HOMER2: variants seen among roughly 807,000 people sequenced by gnomAD.
HOMER2 encodes homer scaffold protein 2.
HOMER2 carries 27 observed loss-of-function variants against 47.0 expected under a neutral mutation model. The ratio of observed to expected loss-of-function variants is 0.57; its 90% CI spans 0.42 to 0.79. The LOEUF (loss-of-function observed/expected upper bound fraction) is 0.79. Ranked by LOEUF, HOMER2 falls within the 30% of genes least tolerant of loss-of-function variation. HOMER2 has a pLI of 0.00. For synonymous variants in HOMER2, 161 were observed against 163.8 expected, an observed-to-expected ratio of 0.98 and a Z score of 0.13; for missense variants, 443 against 435.0, an observed-to-expected ratio of 1.02 and a Z score of -0.16.
chr15:82,942,139 C>T (rs544943154), intron 1 of HOMER2, among the ~76,000 whole-genome samples: 4 of 152,272 alleles, frequency 2.6e-5, no homozygotes, highest in South Asian at 2.1e-4. Context: ...TCTCTAACTT[C>T]GTACAGAGTT....
At chr15:82,974,828 G>A (rs534299533) in intron 1 of HOMER2, among the ~76,000 whole-genome samples, 15 of 152,318 alleles carry the variant, frequency 9.8e-5, no homozygotes, top group African/African-American at 2.9e-4. Flanking sequence ...CCAGCACTTC[G>A]GGAGGCCGAG....
chr15:82,985,681 G>A (rs552744325), intron 1 of HOMER2: 12 of 152,346 alleles, frequency 7.9e-5, no homozygotes, highest in African/African-American at 2.9e-4. Flanking sequence ...ACAAGACATG[G>A]GCAAGACTCT....
chr15:82,891,538 G>A, intron 2 of HOMER2, among the ~76,000 whole-genome samples: 1 of 152,150 alleles, frequency 6.6e-6, no homozygotes, highest in East Asian at 1.9e-4. Flanking sequence ...AGCTTCCCTG[G>A]AGGCTTCCCC....
chr15:82,947,059 C>G (rs562838064), intron 1 of HOMER2, among the ~76,000 whole-genome samples: 4 of 152,218 alleles, frequency 2.6e-5, no homozygotes, highest in Non-Finnish European at 5.9e-5. Flanking sequence ...AGGGCAGGAA[C>G]TAACTAGTGG....
At chr15:82,855,778 C>G (rs1190771923) in intron 5 of HOMER2, among the ~76,000 whole-genome samples, 1 of 152,218 alleles carries the variant, frequency 6.6e-6, no homozygotes, top group South Asian at 2.1e-4. Flanking sequence ...CCACAAAGGC[C>G]TCATGTTTCA....
chr15:82,977,933 T>G (rs1224057616), intron 1 of HOMER2, among the ~76,000 whole-genome samples: 2 of 152,114 alleles, frequency 1.3e-5, no homozygotes. Flanking sequence ...GATCCTGACT[T>G]GAGGTCAGGA....
intron 5 of HOMER2, among the ~76,000 whole-genome samples, chr15:82,858,674 TCA>T (rs143184946): frequency 1.2e-4 from 18 of 150,242 alleles, no homozygotes; most frequent in South Asian, 4.2e-4. Context: ...AGGGGTGCAT[TCA>T]CACACACACA....
intron 1 of HOMER2, among the ~76,000 whole-genome samples, chr15:82,924,113 G>T (rs1431069660): frequency 6.6e-6 from 1 of 152,178 alleles, no homozygotes; most frequent in African/African-American, 2.4e-5. Context: ...GAAAGAAAAG[G>T]TACGGAGTAT....
chr15:82,852,153 C>G lies in HOMER2; in HGVS notation c.751G>C (p.Glu251Gln), dbSNP rs1488901708. 6.2e-7 allele frequency: 1 copy of G among 1,613,360 alleles called. No homozygotes were observed. Among genetic ancestry groups the G allele is most frequent in the Non-Finnish European group, 8.5e-7 (1 of 1,179,348 alleles). The change falls in exon 7 of 9, where the codon GAA (glutamate) becomes CAA (glutamine). Residue 251 changes from glutamate to glutamine, a missense_variant. Glu to Gln is a conservative substitution (Grantham distance 29). Transcript: ENST00000450735. Reference sequence around the variant, plus strand: ...GCACCATTACTCACTGTCTCCTTTTCTCGGAGCTCTGCCTCCAGCTCCTCG... The same window carrying G: ...GCACCATTACTCACTGTCTCCTTTTGTCGGAGCTCTGCCTCCAGCTCCTCG... ...RIEELEAELR[E>Q]KETELKDLRK...
At chr15:82,971,833 T>A (rs1390665386) in intron 1 of HOMER2, among the ~76,000 whole-genome samples, 1 of 152,134 alleles carries the variant, frequency 6.6e-6, no homozygotes, top group African/African-American at 2.4e-5. Context: ...ATGACTGTCA[T>A]CTTTCCAAGA....
chr15:82,970,990 T>C (rs970036811), intron 1 of HOMER2, among the ~76,000 whole-genome samples: 8 of 152,216 alleles, frequency 5.3e-5, no homozygotes, highest in Non-Finnish European at 1.2e-4. Context: ...CCATAGTCCA[T>C]GGCCCCTGGT....
At chr15:82,870,942 A>G (rs1285639541) in intron 3 of HOMER2, among the ~76,000 whole-genome samples, 1 of 152,248 alleles carries the variant, frequency 6.6e-6, no homozygotes, top group African/African-American at 2.4e-5. Flanking sequence ...TAGAACAGTG[A>G]CAACTCGAGG....
upstream of HOMER2, chr15:82,986,062 A>G (rs926877757): frequency 3.3e-5 from 33 of 985,430 alleles, no homozygotes; most frequent in Non-Finnish European, 4.0e-5. Flanking sequence ...CCACCTTTAG[A>G]CAGCTACTTG....
chr15:82,864,296 C>T, intron 3 of HOMER2, 37 bp from the exon 4 acceptor site: 1 of 1,432,434 alleles, frequency 7.0e-7, no homozygotes, highest in Non-Finnish European at 9.8e-7. Context: ...CTTTTATTAA[C>T]CTCACTCATG....
intron 1 of HOMER2, among the ~76,000 whole-genome samples, chr15:82,964,971 T>C (rs909809441): frequency 2.6e-5 from 4 of 152,214 alleles, no homozygotes; most frequent in African/African-American, 9.6e-5. Context: ...TTAGGACCTT[T>C]AATATGTCAA....
At chr15:82,920,722 A>G (rs2031123694) in intron 1 of HOMER2, among the ~76,000 whole-genome samples, 1 of 152,188 alleles carries the variant, frequency 6.6e-6, no homozygotes, top group South Asian at 2.1e-4. Context: ...CCCCATCTCA[A>G]AGTCCTTAAC....
At chr15:82,908,745 T>A (rs1354296694) in intron 1 of HOMER2, among the ~76,000 whole-genome samples, 10 of 145,974 alleles carry the variant, frequency 6.9e-5, no homozygotes, top group South Asian at 2.6e-4. Context: ...TTGCTTTTTT[T>A]TTAAAAAAAA....
chr15:82,978,181 A>G (rs1031657535), intron 1 of HOMER2, among the ~76,000 whole-genome samples: 1 of 152,268 alleles, frequency 6.6e-6, no homozygotes, highest in African/African-American at 2.4e-5. Context: ...AGAGGAAGGC[A>G]GGGGCAAGAT....
intron 2 of HOMER2, among the ~76,000 whole-genome samples, chr15:82,890,004 A>G (rs561474607): frequency 6.6e-6 from 1 of 152,264 alleles, no homozygotes; most frequent in Non-Finnish European, 1.5e-5. Context: ...CCTTTTGCAG[A>G]AGGAGGCTCT....
Sources: gnomAD v4.1 joint callset for allele counts (sites outside exome capture counted in the v4.1 genomes callset) on GRCh38, gnomAD v4.1.1 for gene constraint, MANE v1.5 for transcripts, NCBI Gene and HGNC (gene_info 2026-07-23, HGNC 2026-07-21) for gene names.